KALRN: variants seen among roughly 807,000 people sequenced by gnomAD.
KALRN encodes the protein kalirin.
Under a neutral mutation model 353.7 loss-of-function variants are expected in KALRN, and 70 were observed. The ratio of observed to expected loss-of-function variants is 0.20; its 90% CI spans 0.16 to 0.24. The LOEUF is 0.24. Among genes scored for constraint, KALRN ranks in the 10% least tolerant of loss-of-function variants. The probability of loss-of-function intolerance (pLI) is 1.00; values close to 1 mark genes in which losing one functional copy is unlikely to be tolerated. For synonymous variants in KALRN, 1,391 were observed against 1,434.8 expected, an observed-to-expected ratio of 0.97 and a Z score of 0.69; for missense variants, 2,791 against 3,756.7, an observed-to-expected ratio of 0.74 and a Z score of 6.72.
chr3:124,072,276 G>C lies in KALRN; in HGVS notation c.73+38463G>C, dbSNP rs3821540. On this transcript the variant is annotated intron_variant, in intron 1 of 59. Transcript: ENST00000682506. The stretch of plus-strand genomic sequence containing the variant: ...TCAGTGCATTCTTATTCCTGGACTT[G>C]TTCTGTTCCGATCTGCTCCCTGTAT... Among the ~76,000 whole-genome samples the C allele has an allele frequency of 0.028, 4,264 of 152,202 alleles. 390 individuals carry two copies. In the East Asian group the frequency reaches 0.34, roughly 12 times the overall value.
chr3:124,579,328 G>A (rs752680206), intron 34 of KALRN, among the ~76,000 whole-genome samples: 2 of 152,208 alleles, frequency 1.3e-5, no homozygotes, highest in African/African-American at 4.8e-5. Flanking sequence ...AAGTGGTCAC[G>A]TAGGTAGGCA....
chr3:124,665,256 AAAGCAATAGAAGTGCAAGGTGCTCTGAC>A, intron 45 of KALRN, among the ~76,000 whole-genome samples: 1 of 152,136 alleles, frequency 6.6e-6, no homozygotes, highest in Admixed American at 6.5e-5. Context: ...TTCTTGTTGC[AAAGCAATAGAAGTGCAAGGTGCTCTGAC>A]AGAGTCTGGG....
In KALRN at chr3:124,334,446, G is replaced by T; in HGVS notation, c.1598G>T (p.Arg533Leu). ...AGCATCTGGCAGCACCGCAAGGTGC[G>T]GCTCCACCAGCGGCTGCAGCTCTGC... ...LESIWQHRKV[R>L]LHQRLQLCVF... The change falls in exon 9 of 60, where the codon CGG becomes CTG. Residue 533 changes from arginine (R) to leucine (L), a missense_variant. Transcript: ENST00000682506. The surrounding 1 kb of genome is among the most constrained non-coding windows in gnomAD (Gnocchi z 4.2). 1.2e-6 allele frequency: 2 copies of T among 1,614,008 alleles called. No individual in the cohort carries two copies. Among genetic ancestry groups the T allele is most frequent in the Non-Finnish European group, 1.7e-6 (2 of 1,179,910 alleles).
chr3:124,637,397 C>T, intron 37 of KALRN, 94 bp downstream of exon 37: 1 of 877,444 alleles, frequency 1.1e-6, no homozygotes, highest in Non-Finnish European at 1.9e-6. Flanking sequence ...TTGCACCTGT[C>T]CTCATTCTTC....
chr3:124,184,845 G>A (rs58207775), intron 1 of KALRN, among the ~76,000 whole-genome samples: 5,128 of 152,260 alleles, frequency 0.034, 267 homozygotes, highest in African/African-American at 0.12. Flanking sequence ...ATAGTGATTT[G>A]TATATAGTAA....
At chr3:124,675,064 G>T (rs567391103) in intron 49 of KALRN, 2 of 151,960 alleles carry the variant, frequency 1.3e-5, no homozygotes, top group Admixed American at 6.6e-5. Context: ...ACAAATGCCA[G>T]ACCTGTGAAG....
At chr3:124,068,860 C>A (rs2042596486) in intron 1 of KALRN, among the ~76,000 whole-genome samples, 1 of 152,090 alleles carries the variant, frequency 6.6e-6, no homozygotes, top group Non-Finnish European at 1.5e-5. Flanking sequence ...CAGGAAGGAA[C>A]AATGTGACAT....
chr3:124,047,263 G>C (rs986770718), intron 1 of KALRN, among the ~76,000 whole-genome samples: 3 of 152,078 alleles, frequency 2.0e-5, no homozygotes, highest in Admixed American at 6.6e-5. Flanking sequence ...GATACTAAGA[G>C]GGCTAATGAA....
intron 1 of KALRN, among the ~76,000 whole-genome samples, chr3:124,132,710 C>G (rs1431960659): frequency 6.6e-6 from 1 of 152,162 alleles, no homozygotes; most frequent in Non-Finnish European, 1.5e-5. Context: ...GTGGCACCTT[C>G]ATTTTTCTGG....
intron 5 of KALRN, 110 bp downstream of exon 5, chr3:124,269,365 T>G: frequency 4.2e-6 from 5 of 1,192,824 alleles, no homozygotes; most frequent in Non-Finnish European, 5.8e-6. Context: ...TTTAAAACAG[T>G]GTGCCTACTA....
chr3:124,077,481 C>G (rs951565597), intron 1 of KALRN, among the ~76,000 whole-genome samples: 4 of 152,180 alleles, frequency 2.6e-5, no homozygotes, highest in Non-Finnish European at 4.4e-5. Flanking sequence ...CATTCCTACT[C>G]TTTCCCATGG....
intron 9 of KALRN, among the ~76,000 whole-genome samples, chr3:124,337,376 G>A (rs569329469): frequency 6.6e-6 from 1 of 152,232 alleles, no homozygotes; most frequent in South Asian, 2.1e-4. Context: ...TTTATCAAAG[G>A]CCTTTTCTGC....
chr3:124,262,001 G>C (rs2072939530), intron 3 of KALRN, among the ~76,000 whole-genome samples: 2 of 152,010 alleles, frequency 1.3e-5, no homozygotes, highest in Admixed American at 1.3e-4. Context: ...AGTAATCAAA[G>C]AAATGCAAAT....
chr3:124,441,832 GAAAA>G (rs11303558), intron 18 of KALRN, 109 bp from the exon 19 acceptor site: 9 of 499,404 alleles, frequency 1.8e-5, no homozygotes, highest in Non-Finnish European at 3.1e-5. Context: ...TCTCAAAAAA[GAAAA>G]AAAAAAAAAG....
At chr3:124,228,189 C>T in intron 2 of KALRN, 125 bp downstream of exon 2, 1 of 816,434 alleles carries the variant, frequency 1.2e-6, no homozygotes, top group Non-Finnish European at 2.1e-6. Context: ...CTTGGGGCAG[C>T]TGCTTTCTTT....
At chr3:124,602,603 G>C (rs1332710931) in intron 34 of KALRN, among the ~76,000 whole-genome samples, 1 of 152,178 alleles carries the variant, frequency 6.6e-6, no homozygotes, top group Non-Finnish European at 1.5e-5. Context: ...AGGAGTGAGG[G>C]GAATGTGTTC....
At chr3:124,332,844 A>G (rs1427353986) in intron 8 of KALRN, among the ~76,000 whole-genome samples, 1 of 152,170 alleles carries the variant, frequency 6.6e-6, no homozygotes, top group Non-Finnish European at 1.5e-5. Context: ...TTAAAAGGAT[A>G]AAGACGAAAG....
At chr3:124,265,436 G>A (rs2073409464) in intron 4 of KALRN, among the ~76,000 whole-genome samples, 1 of 151,128 alleles carries the variant, frequency 6.6e-6, no homozygotes, top group African/African-American at 2.4e-5. Flanking sequence ...GGGACTACAG[G>A]CACCTGCCAC....
intron 5 of KALRN, among the ~76,000 whole-genome samples, chr3:124,286,078 CCTTCCTTT>C (rs768855768): frequency 0.02 from 2,142 of 106,838 alleles, 27 homozygotes; most frequent in African/African-American, 0.039. Flanking sequence ...TTCTTTCTTT[CCTTCCTTT>C]CTTTCTTTCT....
Sources: allele counts gnomAD v4.1 joint callset (sites outside exome capture counted in the v4.1 genomes callset), GRCh38; gene constraint gnomAD v4.1.1; non-coding constraint Gnocchi (gnomAD v3.1); transcripts MANE v1.5; gene names NCBI Gene and HGNC (gene_info 2026-07-23, HGNC 2026-07-21).